The following NME6 variants were observed in gnomAD, a reference collection of about 807,000 sequenced individuals.
NME6 encodes nucleoside diphosphate kinase 6, mitochondrial.
NME6 carries 16 observed loss-of-function variants against 22.2 expected under a neutral mutation model. That is an observed-to-expected ratio of 0.72 (90% CI 0.49 to 1.09). NME6 has a LOEUF of 1.09. NME6 is among the 50% of genes least tolerant of loss of function. The pLI is 0.00. For synonymous variants in NME6, 58 were observed against 85.2 expected, an observed-to-expected ratio of 0.68 and a Z score of 1.76; for missense variants, 229 against 239.0, an observed-to-expected ratio of 0.96 and a Z score of 0.28.
At chr3:48,296,025 A>G in intron 4 of NME6, 94 bp downstream of exon 4, 1 of 943,734 alleles carries the variant, frequency 1.1e-6, no homozygotes, top group South Asian at 1.3e-5. Flanking sequence ...CCTGATTACA[A>G]CTTTAAAGAA....
intron 2 of NME6, chr3:48,297,371 A>T (rs1357504543): frequency 6.5e-6 from 1 of 153,012 alleles, no homozygotes; most frequent in Non-Finnish European, 1.5e-5. Flanking sequence ...CTTCTGTGCA[A>T]CACCTGTCCT....
At chr3:48,295,006 C>T (rs1486356904) in intron 5 of NME6, 69 bp downstream of exon 5, 1 of 1,545,952 alleles carries the variant, frequency 6.5e-7, no homozygotes, top group Non-Finnish European at 8.8e-7. Flanking sequence ...AGGGACCTGG[C>T]TGTCAACTCT....
chr3:48,296,669 C>G (rs1362549924), intron 3 of NME6, 58 bp downstream of exon 3: 2 of 1,213,596 alleles, frequency 1.6e-6, no homozygotes, highest in Non-Finnish European at 2.4e-6. Context: ...CAGGTAAAAT[C>G]TCTCTTATGG....
At chr3:48,295,789 C>A in intron 4 of NME6, 1 of 382,648 alleles carries the variant, frequency 2.6e-6, no homozygotes, top group South Asian at 2.9e-5. Flanking sequence ...GATCTTGGCT[C>A]ACTTCAACCT....
chr3:48,297,816 GAGA>G (rs1228413716), intron 2 of NME6: 1 of 153,992 alleles, frequency 6.5e-6, no homozygotes, highest in Non-Finnish European at 1.4e-5. Flanking sequence ...TTCAAAGCAT[GAGA>G]AGGATTCAAT....
At chr3:48,300,283 A>C in intron 1 of NME6, 1 of 456,738 alleles carries the variant, frequency 2.2e-6, no homozygotes, top group South Asian at 1.5e-5. Context: ...GTACCTCTCT[A>C]GCCTCATCTG....
downstream of NME6, among the ~76,000 whole-genome samples, chr3:48,289,127 T>C (rs1361816844): frequency 2.6e-5 from 4 of 151,906 alleles, no homozygotes; most frequent in African/African-American, 9.7e-5. Context: ...TGCAATGGCG[T>C]GATCTCAGCT....
chr3:48,292,621 G>C lies in NME6; in HGVS notation c.*2016C>G, dbSNP rs1051500678. 4 of 152,170 alleles carry C rather than the reference G, an allele frequency of 2.6e-5. No homozygotes were observed. Among genetic ancestry groups the C allele is most frequent in the African/African-American group, 9.7e-5 (4 of 41,374 alleles). The allele number at this position is 152,170 out of a possible 1,614,324, so 9.4% of individuals were successfully genotyped here. On this transcript the variant is annotated 3_prime_UTR_variant, in exon 6 of 6. Coordinates refer to ENST00000442597, the MANE Select transcript of NME6 (RefSeq NM_001308426.2). The stretch of plus-strand genomic sequence containing the variant: ...GCTGGAGTGCAACGGCGTGATCTTG[G>C]CTCACCACAACCTCCGCCTCCTGGG...
intron 1 of NME6, 83 bp from the exon 2 acceptor site, chr3:48,298,606 C>G: frequency 1.1e-6 from 1 of 908,088 alleles, no homozygotes; most frequent in South Asian, 1.7e-5. Flanking sequence ...GCCTTGCAAG[C>G]CAACGAGTGC....
Position 48,294,434 on chromosome 3 carries a change from G to C in NME6, c.*203C>G. The C allele has an allele frequency of 1.9e-6, 1 of 533,726 alleles. No homozygotes were observed. Among genetic ancestry groups the C allele is most frequent in the East Asian group, 2.9e-5 (1 of 34,326 alleles). 33.1% of individuals were successfully genotyped at this position (533,726 alleles called of 1,614,324 possible). A position where few individuals can be genotyped will look rare whatever the true frequency, so the allele number is the denominator to read the frequency against. On this transcript the variant is annotated 3_prime_UTR_variant, in exon 6 of 6. Coordinates refer to ENST00000442597, the MANE Select transcript of NME6 (RefSeq NM_001308426.2). Reference sequence around the variant, plus strand: ...AGCAAAGAGGAGTCATCATTCTTCTGAACCACCATAAACATTCCAGAGAAG... The same window carrying C: ...AGCAAAGAGGAGTCATCATTCTTCTCAACCACCATAAACATTCCAGAGAAG...
Position 48,296,707 on chromosome 3 carries a change from C to A in NME6, c.193+20G>T. On this transcript the variant is annotated intron_variant, in intron 3 of 5. Coordinates refer to ENST00000442597, the MANE Select transcript of NME6 (RefSeq NM_001308426.2). Reference sequence around the variant, plus strand: ...TCTTGGGATTGAGGCACCTTCCATTCAGAGGACTACTGATCCTACCTTCAT... The same window carrying A: ...TCTTGGGATTGAGGCACCTTCCATTAAGAGGACTACTGATCCTACCTTCAT... 1 of 1,566,566 alleles carries A rather than the reference C, an allele frequency of 6.4e-7. No individual in the cohort carries two copies. Among genetic ancestry groups the A allele is most frequent in the South Asian group, 1.1e-5 (1 of 89,160 alleles).
chr3:48,291,992 C>T (rs1301141505), downstream of NME6: 1 of 152,258 alleles, frequency 6.6e-6, no homozygotes, highest in Non-Finnish European at 1.5e-5. Flanking sequence ...GTCTCGATCT[C>T]CTGACCTTGT....
At chr3:48,296,535 C>T (rs1260040488) in intron 3 of NME6, among the ~76,000 whole-genome samples, 192 bp downstream of exon 3, 1 of 152,164 alleles carries the variant, frequency 6.6e-6, no homozygotes. Flanking sequence ...GTTGGGACTA[C>T]AAGGTAGAAC....
intron 4 of NME6, 97 bp from the exon 5 acceptor site, chr3:48,295,332 A>T: frequency 7.4e-7 from 1 of 1,356,918 alleles, no homozygotes. Context: ...CTACGTTCTG[A>T]GAGTTTTCCT....
downstream of NME6, chr3:48,288,452 A>C (rs564700140): frequency 6.6e-6 from 1 of 152,274 alleles, no homozygotes; most frequent in South Asian, 2.1e-4. Context: ...GATACTATTC[A>C]TTACCATTAA....
chr3:48,298,666 T>C (rs1201716858), intron 1 of NME6, 143 bp from the exon 2 acceptor site: 1 of 626,744 alleles, frequency 1.6e-6, no homozygotes. Context: ...CTTAAGGCCA[T>C]ATACATTATT....
chr3:48,296,618 C>T, intron 3 of NME6, 109 bp downstream of exon 3: 3 of 737,364 alleles, frequency 4.1e-6, no homozygotes, highest in Non-Finnish European at 4.5e-6. Flanking sequence ...CTGGCTGCAA[C>T]TGTACACGGT....
intron 4 of NME6, chr3:48,295,593 G>T: frequency 3.8e-6 from 1 of 261,910 alleles, no homozygotes; most frequent in Non-Finnish European, 7.3e-6. Context: ...CCAGGCTAGA[G>T]TACAATGGTT....
rs922923159 is a variant in NME6 at position 48,294,915 on chromosome 3, G to C, written c.395-112C>G. On this transcript the variant is annotated intron_variant, in intron 5 of 5. Transcript: ENST00000442597. ...ACTCTGCCTGCCCCTTCAGTCCTGG[G>C]GCATGTAAAGAAAGTCCACAGGCCA... The C allele has an allele frequency of 2.3e-5, 32 of 1,403,318 alleles. No homozygotes were observed. In the African/African-American group the frequency reaches 4.3e-4, roughly 19 times the overall value. 86.9% of individuals were successfully genotyped at this position (1,403,318 alleles called of 1,614,324 possible).
Sources: gnomAD v4.1 joint callset for allele counts (sites outside exome capture counted in the v4.1 genomes callset) on GRCh38, gnomAD v4.1.1 for gene constraint, MANE v1.5 for transcripts, NCBI Gene and HGNC (gene_info 2026-07-23, HGNC 2026-07-21) for gene names.